Variants in FRMD6 observed in about 807,000 individuals in gnomAD.
FRMD6 encodes the protein FERM domain containing 6, also known as FERM domain-containing protein 6.
Under a neutral mutation model 73.2 loss-of-function variants are expected in FRMD6, and 37 were observed. That is an observed-to-expected ratio of 0.51 (90% CI 0.39 to 0.66). FRMD6 has a LOEUF of 0.66. Ranked by LOEUF, FRMD6 falls within the 30% of genes least tolerant of loss-of-function variation. The probability of loss-of-function intolerance (pLI) is 0.00; values close to 1 mark genes in which losing one functional copy is unlikely to be tolerated. For synonymous variants in FRMD6, 273 were observed against 282.2 expected, an observed-to-expected ratio of 0.97 and a Z score of 0.33; for missense variants, 714 against 780.5, an observed-to-expected ratio of 0.91 and a Z score of 1.02.
At chr14:51,569,841 C>T (rs1888009722) in intron 1 of FRMD6, among the ~76,000 whole-genome samples, 2 of 145,188 alleles carry the variant, frequency 1.4e-5, no homozygotes, top group Non-Finnish European at 3.0e-5. Flanking sequence ...TTTTTGAGAC[C>T]GTCTGGCTCT....
intron 2 of FRMD6, among the ~76,000 whole-genome samples, chr14:51,691,644 C>T (rs550006310): frequency 7.6e-6 from 1 of 131,232 alleles, no homozygotes; most frequent in African/African-American, 2.9e-5. Flanking sequence ...GTCCAGGCTG[C>T]AGTGCAGTGG....
the FRMD6 span, among the ~76,000 whole-genome samples, chr14:51,478,241 A>G: frequency 6.6e-6 from 1 of 152,232 alleles, no homozygotes; most frequent in African/African-American, 2.4e-5. Flanking sequence ...ACTGGCAATG[A>G]GGAAATCCTA....
the FRMD6 span, chr14:51,436,295 G>C: frequency 2.6e-6 from 1 of 385,586 alleles, no homozygotes. Flanking sequence ...GGTCAGAATT[G>C]ATTGCCAAAA....
chr14:51,459,501 C>T, the FRMD6 span, among the ~76,000 whole-genome samples: 2 of 152,124 alleles, frequency 1.3e-5, no homozygotes, highest in Non-Finnish European at 2.9e-5. Context: ...CTTCCCTTTC[C>T]CAAGCAATAC....
chr14:51,568,844 A>AG (rs1887927838), intron 1 of FRMD6, among the ~76,000 whole-genome samples: 1 of 140,764 alleles, frequency 7.1e-6, no homozygotes, highest in Non-Finnish European at 1.6e-5. Context: ...AAAGGCTTTT[A>AG]CTTTTTTTTT....
chr14:51,711,136 A>G (rs1896922314), intron 7 of FRMD6, among the ~76,000 whole-genome samples: 1 of 151,746 alleles, frequency 6.6e-6, no homozygotes, highest in African/African-American at 2.4e-5. Context: ...TTAAGATTCT[A>G]ACATCTGAGA....
intron 1 of FRMD6, among the ~76,000 whole-genome samples, chr14:51,523,423 A>G (rs11157828): frequency 0.63 from 95,819 of 151,760 alleles, 32,404 homozygotes; most frequent in African/African-American, 0.87. Context: ...TGGAAGGCAC[A>G]TATGCAGAAC....
At chr14:51,436,771 AGAT>A in the FRMD6 span, 5 of 542,836 alleles carry the variant, frequency 9.2e-6, no homozygotes, top group African/African-American at 3.8e-5. Context: ...GAGAAGGAGA[AGAT>A]GATGATGAAG....
At chr14:51,558,545 A>C (rs545039174) in intron 1 of FRMD6, among the ~76,000 whole-genome samples, 1 of 152,096 alleles carries the variant, frequency 6.6e-6, no homozygotes, top group East Asian at 1.9e-4. Context: ...ACAAAAGCCA[A>C]CTCTCTTAGG....
In FRMD6 at chr14:51,611,033, A is replaced by G. The variant is rs186965502; in HGVS notation, c.-147+40623A>G. On this transcript the variant is annotated intron_variant, in intron 2 of 14. Transcript: ENST00000356218. ...AGGAGAATGTGCCAGAACAAATACAATTATTGAGAAGAAATCGAGTAATCT... is the reference window on the plus strand; with the variant it reads ...AGGAGAATGTGCCAGAACAAATACAGTTATTGAGAAGAAATCGAGTAATCT... Among the ~76,000 whole-genome samples, 254 of 152,254 alleles carry G rather than the reference A, an allele frequency of 1.7e-3. 1 individual carries two copies. Among genetic ancestry groups the G allele is most frequent in the Non-Finnish European group, 3.0e-3 (207 of 68,022 alleles).
the FRMD6 span, among the ~76,000 whole-genome samples, chr14:51,463,767 T>C: frequency 6.6e-6 from 1 of 152,228 alleles, no homozygotes; most frequent in African/African-American, 2.4e-5. Context: ...GTTTTTTGCA[T>C]GTCAATATTA....
At chr14:51,695,755 T>C (rs140477453) in intron 2 of FRMD6, among the ~76,000 whole-genome samples, 104 of 152,310 alleles carry the variant, frequency 6.8e-4, no homozygotes, top group African/African-American at 2.5e-3. Flanking sequence ...CACTTGGTGC[T>C]ACTTTGGTCT....
At chr14:51,482,382 C>A in the FRMD6 span, among the ~76,000 whole-genome samples, 73 of 152,330 alleles carry the variant, frequency 4.8e-4, no homozygotes, top group Middle Eastern at 3.4e-3. Flanking sequence ...GTCTCCAGCG[C>A]CAATGAAGAG....
In FRMD6 at chr14:51,551,959, A is replaced by AT. The variant is rs540333943; in HGVS notation, c.-209-18383dup. Among the ~76,000 whole-genome samples the AT allele has an allele frequency of 6.6e-3, 1,000 of 152,156 alleles. 16 individuals carry two copies. The highest frequency in any genetic ancestry group is 0.023 in the African/African-American group (953 of 41,510). On this transcript the variant is annotated intron_variant, in intron 1 of 14. Coordinates refer to the FRMD6 transcript ENST00000356218. Reference sequence around the variant, plus strand: ...ATGTTCTTAGAGTTTTATGGCTTATATTTTTTCCACCTGATTATCCCTTGT... The same window carrying AT: ...ATGTTCTTAGAGTTTTATGGCTTATATTTTTTTCCACCTGATTATCCCTTGT...
At position 51,546,269 on chromosome 14, in the gene FRMD6, C is replaced by T. The variant is rs184327443; in HGVS notation, c.-209-24079C>T. On this transcript the variant is annotated intron_variant, in intron 1 of 14. Transcript: ENST00000356218. ...AGGATCACATTAGGCCATGAGTGCT[C>T]GGTTTCTCTGGCTTCTATTAGATTA... Among the ~76,000 whole-genome samples the T allele has an allele frequency of 5.2e-3, 787 of 152,124 alleles. 1 individual carries two copies. The highest frequency in any genetic ancestry group is 0.017 in the African/African-American group (721 of 41,526).
intron 2 of FRMD6, among the ~76,000 whole-genome samples, chr14:51,619,959 A>T (rs1331827561): frequency 6.6e-6 from 1 of 152,244 alleles, no homozygotes; most frequent in East Asian, 1.9e-4. Context: ...TGTAGTCTAC[A>T]GAGCCACCCA....
At chr14:51,456,628 T>C in the FRMD6 span, among the ~76,000 whole-genome samples, 2 of 152,156 alleles carry the variant, frequency 1.3e-5, no homozygotes, top group Non-Finnish European at 2.9e-5. Flanking sequence ...AATGTCTTCT[T>C]CTGAGAAGTG....
Position 51,589,513 on chromosome 14 carries a change from T to C in FRMD6, c.-147+19103T>C, listed in dbSNP as rs116111905. Among the ~76,000 whole-genome samples the C allele has an allele frequency of 7.1e-3, 1,086 of 152,232 alleles. 11 individuals are homozygous for C. Among genetic ancestry groups the C allele is most frequent in the African/African-American group, 0.025 (1,045 of 41,542 alleles). ...TGAGGGAGAACAGAGCCCCATCTGC[T>C]TGGCCTCACACTCCTCATTTCACAT... On this transcript the variant is annotated intron_variant, in intron 2 of 14. Transcript: ENST00000356218.
At chr14:51,398,378 A>C in the FRMD6 span, among the ~76,000 whole-genome samples, 1 of 152,148 alleles carries the variant, frequency 6.6e-6, no homozygotes, top group Non-Finnish European at 1.5e-5. Context: ...GTCTTCAGAC[A>C]AGGCAAAGCC....
Sources: gnomAD v4.1 joint callset for allele counts (sites outside exome capture counted in the v4.1 genomes callset) on GRCh38, gnomAD v4.1.1 for gene constraint, MANE v1.5 for transcripts, NCBI Gene and HGNC (gene_info 2026-07-23, HGNC 2026-07-21) for gene names.